The following IL7 variants were observed in gnomAD, a reference collection of about 807,000 sequenced individuals.
The protein encoded by IL7 is interleukin 7.
In IL7, 3 loss-of-function variants were observed where a neutral mutation model predicts 21.6. The observed-to-expected ratio is 0.14, with a 90% CI of 0.06 to 0.36. IL7 has a LOEUF of 0.36. Among genes scored for constraint, IL7 ranks in the 10% least tolerant of loss-of-function variants. The probability of loss-of-function intolerance (pLI) is 1.00; values close to 1 mark genes in which losing one functional copy is unlikely to be tolerated. For synonymous variants in IL7, 62 were observed against 68.1 expected (o/e 0.91, Z 0.44); for missense variants, 175 against 200.2 (o/e 0.87, Z 0.76).
At chr8:78,700,319 TTTTTTTTCTTGTAAGTTTC>T (rs1177102790) in intron 3 of IL7, among the ~76,000 whole-genome samples, 24 of 152,080 alleles carry the variant, frequency 1.6e-4, no homozygotes, top group Middle Eastern at 3.4e-3. Context: ...GGATTGTTTG[TTTTTTTTCTTGTAAGTTTC>T]TTTTTTTCTT....
At chr8:78,804,695 G>T (rs778248804) in intron 1 of IL7, among the ~76,000 whole-genome samples, 5 of 152,220 alleles carry the variant, frequency 3.3e-5, no homozygotes, top group Non-Finnish European at 5.9e-5. Flanking sequence ...CTCGCAGCCT[G>T]CCAGGGGCAG....
At chr8:78,720,148 T>C (rs570921387) in intron 5 of IL7, among the ~76,000 whole-genome samples, 1 of 151,898 alleles carries the variant, frequency 6.6e-6, no homozygotes, top group South Asian at 2.1e-4. Flanking sequence ...TAAAAAGGAA[T>C]TTAGTGAAAT....
At chr8:78,745,686 A>C (rs1811956163) in intron 2 of IL7, among the ~76,000 whole-genome samples, 1 of 152,218 alleles carries the variant, frequency 6.6e-6, no homozygotes, top group Non-Finnish European at 1.5e-5. Context: ...AGTAGAGTAG[A>C]TTATTGTTCA....
chr8:78,726,145 T>A (rs1316961068), intron 3 of IL7, among the ~76,000 whole-genome samples: 1 of 151,964 alleles, frequency 6.6e-6, no homozygotes, highest in East Asian at 1.9e-4. Flanking sequence ...TGTTCAGGGA[T>A]GATTTCATTG....
intron 2 of IL7, among the ~76,000 whole-genome samples, chr8:78,796,495 T>C (rs1813857719): frequency 6.6e-6 from 1 of 151,970 alleles, no homozygotes; most frequent in African/African-American, 2.4e-5. Context: ...TCATTTGTTC[T>C]CTGTCCAGAT....
downstream of IL7, among the ~76,000 whole-genome samples, chr8:78,714,030 G>C (rs1320136854): frequency 6.6e-6 from 1 of 152,146 alleles, no homozygotes; most frequent in African/African-American, 2.4e-5. Context: ...TATAAGTAGA[G>C]TAAGAAAAAT....
rs553857096 is a variant in IL7, at chr8:78,769,418, T to G, written c.147+28654A>C. Reference sequence around the variant, plus strand: ...GACAAACAGAGAGCCAAATCATGAGTGAACTCCCATTCACAATTGCTTCAA... The same window carrying G: ...GACAAACAGAGAGCCAAATCATGAGGGAACTCCCATTCACAATTGCTTCAA... On this transcript the variant is annotated intron_variant, in intron 2 of 5. Coordinates refer to ENST00000263851, the MANE Select transcript of IL7 (RefSeq NM_000880.4). Among the ~76,000 whole-genome samples, 760 of 152,100 alleles carry G rather than the reference T, an allele frequency of 5.0e-3. 10 individuals carry two copies. The highest frequency in any genetic ancestry group is 0.018 in the African/African-American group (733 of 41,502).
intron 2 of IL7, among the ~76,000 whole-genome samples, chr8:78,789,367 A>C (rs577039070): frequency 1.3e-5 from 2 of 152,314 alleles, no homozygotes; most frequent in Admixed American, 1.3e-4. Flanking sequence ...ACTAATTTTT[A>C]TTGTAATCAA....
intron 2 of IL7, among the ~76,000 whole-genome samples, chr8:78,789,779 A>G (rs1346290600): frequency 1.3e-5 from 2 of 151,874 alleles, no homozygotes; most frequent in Non-Finnish European, 2.9e-5. Flanking sequence ...ATATTAAACT[A>G]TAGAATTTGG....
Position 78,733,580 on chromosome 8 carries a change from G to A in IL7, c.*133C>T. On this transcript the variant is annotated 3_prime_UTR_variant, in exon 6 of 6. Transcript: ENST00000263851. ...GTAATACAATATGCATTTCTCAAAT[G>A]CCCTAATCCGTTTTGACCATGGTGC... 1 of 845,856 alleles carries A rather than the reference G, an allele frequency of 1.2e-6. No individual in the cohort carries two copies. Among genetic ancestry groups the A allele is most frequent in the Non-Finnish European group, 1.8e-6 (1 of 545,954 alleles). The allele number at this position is 845,856 out of a possible 1,614,324, so 52.4% of individuals were successfully genotyped here. A position where few individuals can be genotyped will look rare whatever the true frequency, so the allele number is the denominator to read the frequency against.
chr8:78,690,753 T>A (rs2130509485), intron 3 of IL7, among the ~76,000 whole-genome samples: 1 of 152,302 alleles, frequency 6.6e-6, no homozygotes, highest in Middle Eastern at 3.4e-3. Context: ...TTTCTGATCA[T>A]TTAGGTTTTA....
chr8:78,677,220 T>C (rs1809609743), intron 4 of IL7, among the ~76,000 whole-genome samples: 1 of 152,146 alleles, frequency 6.6e-6, no homozygotes, highest in Non-Finnish European at 1.5e-5. Flanking sequence ...TTTACCGATG[T>C]CATCAATCAT....
Position 78,751,464 on chromosome 8 carries a change from T to C in IL7, c.148-11382A>G, listed in dbSNP as rs150562755. Among the ~76,000 whole-genome samples the C allele has an allele frequency of 3.4e-3, 517 of 152,270 alleles. 2 individuals are homozygous for C. Among genetic ancestry groups the C allele is most frequent in the Admixed American group, 8.0e-3 (123 of 15,294 alleles). On this transcript the variant is annotated intron_variant, in intron 2 of 5. Transcript: ENST00000263851. Reference sequence around the variant, plus strand: ...GACAAACAAAAATTGAGAGAATTTGTTACAAGTAAACCTGCCTTGCAAGAA... The same window carrying C: ...GACAAACAAAAATTGAGAGAATTTGCTACAAGTAAACCTGCCTTGCAAGAA...
chr8:78,692,455 TTC>T (rs1432717146), intron 3 of IL7, among the ~76,000 whole-genome samples: 1 of 152,226 alleles, frequency 6.6e-6, no homozygotes, highest in Non-Finnish European at 1.5e-5. Flanking sequence ...GGATCATGTT[TTC>T]TCTTTCTTTG....
At chr8:78,774,920 A>C (rs1055302734) in intron 2 of IL7, among the ~76,000 whole-genome samples, 5 of 152,072 alleles carry the variant, frequency 3.3e-5, no homozygotes, top group Admixed American at 2.6e-4. Context: ...CTTAAGAAAA[A>C]TCAATTGGTG....
At chr8:78,729,988 A>G (rs561342267), downstream of IL7, among the ~76,000 whole-genome samples, 6 of 152,132 alleles carry the variant, frequency 3.9e-5, no homozygotes, top group East Asian at 1.9e-4. Context: ...CTGGGAAAGC[A>G]TGGGAAAGCT....
chr8:78,693,047 C>A (rs1230373288), intron 3 of IL7, among the ~76,000 whole-genome samples: 2 of 151,972 alleles, frequency 1.3e-5, no homozygotes, highest in African/African-American at 4.8e-5. Flanking sequence ...CATGTCCCTA[C>A]AAAGGACATG....
chr8:78,680,229 G>A lies in IL7; in HGVS notation n.274-4125C>T, dbSNP rs931566718. Among the ~76,000 whole-genome samples, 59 of 120,252 alleles carry A rather than the reference G, an allele frequency of 4.9e-4. 1 individual carries two copies. The Admixed American group carries it at 6.2e-3, about 13-fold the overall frequency. 78.9% of individuals were successfully genotyped at this position (120,252 alleles called of 152,430 possible). A position where few individuals can be genotyped will look rare whatever the true frequency, so the allele number is the denominator to read the frequency against. On this transcript the variant is annotated intron_variant and non_coding_transcript_variant, in intron 4 of 4. Transcript: ENST00000523959. Reference sequence around the variant, plus strand: ...TTGTAAACTTAAAAATTGAATTCTAGAAAAAAGCAAAGTACAGTCCGCAGT... The same window carrying A: ...TTGTAAACTTAAAAATTGAATTCTAAAAAAAAGCAAAGTACAGTCCGCAGT...
intron 4 of IL7, among the ~76,000 whole-genome samples, chr8:78,682,615 A>G (rs1160911877): frequency 3.3e-5 from 5 of 152,212 alleles, no homozygotes; most frequent in African/African-American, 4.8e-5. Context: ...GAGAACTACA[A>G]TTCAAGATGA....
Sources: allele counts gnomAD v4.1 joint callset (sites outside exome capture counted in the v4.1 genomes callset), GRCh38; gene constraint gnomAD v4.1.1; transcripts MANE v1.5; gene names NCBI Gene and HGNC (gene_info 2026-07-23, HGNC 2026-07-21).